The following RSPH9 variants were observed in gnomAD, a reference collection of about 807,000 sequenced individuals.
RSPH9 encodes radial spoke head protein 9 homolog.
A neutral mutation model predicts 27.0 loss-of-function variants in RSPH9; 27 were observed. That is an observed-to-expected ratio of 1.00 (90% CI 0.74 to 1.38). RSPH9 has a LOEUF of 1.38. RSPH9 is among the 40% of genes most tolerant of loss of function. The pLI, the probability that RSPH9 is intolerant of heterozygous loss-of-function variation, is 0.00. For synonymous variants in RSPH9, 145 were observed against 147.7 expected (o/e 0.98, Z 0.13); for missense variants, 347 against 357.4 (o/e 0.97, Z 0.24).
chr6:43,668,568 C>T (rs1202172342), intron 4 of RSPH9, among the ~76,000 whole-genome samples: 2 of 152,192 alleles, frequency 1.3e-5, no homozygotes, highest in African/African-American at 2.4e-5. Flanking sequence ...CACTGCCCCC[C>T]GCCCCCTGCA....
Position 43,671,109 on chromosome 6 carries a change from C to A in RSPH9, c.*160C>A. On this transcript the variant is annotated 3_prime_UTR_variant, in exon 5 of 5. Transcript: ENST00000372163. ...TGAGCCAGGGAGCTCATTTCTAAACCAAGTGGCAGAGGGGTTGGAATGTGC... is the reference window on the plus strand; with the variant it reads ...TGAGCCAGGGAGCTCATTTCTAAACAAAGTGGCAGAGGGGTTGGAATGTGC... 1.2e-6 allele frequency: 1 copy of A among 831,260 alleles called. No individual in the cohort carries two copies. The highest frequency in any genetic ancestry group is 1.9e-6 in the Non-Finnish European group (1 of 517,430). 51.5% of individuals were successfully genotyped at this position (831,260 alleles called of 1,614,324 possible). A position where few individuals can be genotyped will look rare whatever the true frequency, so the allele number is the denominator to read the frequency against.
chr6:43,646,542 G>T (rs1582374979), intron 1 of RSPH9, among the ~76,000 whole-genome samples: 1 of 151,434 alleles, frequency 6.6e-6, no homozygotes, highest in Admixed American at 6.6e-5. Context: ...CTCCCAAAGT[G>T]CTGGGATTAC....
intron 2 of RSPH9, among the ~76,000 whole-genome samples, chr6:43,652,729 GGT>G (rs1491419113): frequency 0.05 from 6,286 of 125,912 alleles, 462 homozygotes; most frequent in African/African-American, 0.19. Flanking sequence ...CCCAACTTCC[GGT>G]TTTTTTTTTT....
chr6:43,655,461 A>G, intron 2 of RSPH9, 101 bp from the exon 3 acceptor site: 1 of 1,311,634 alleles, frequency 7.6e-7, no homozygotes. Context: ...GGGGTCCACT[A>G]CACTGCAGTG....
At chr6:43,668,888 G>T (rs1773420529) in intron 4 of RSPH9, among the ~76,000 whole-genome samples, 1 of 152,196 alleles carries the variant, frequency 6.6e-6, no homozygotes, top group Admixed American at 6.5e-5. Context: ...CCAAGTGAGG[G>T]AATCGGATCT....
chr6:43,672,587 T>C lies in RSPH9; in HGVS notation c.*1638T>C, dbSNP rs1773800046. The C allele has an allele frequency of 8.7e-6, 3 of 344,020 alleles. No homozygotes were observed. The highest frequency in any genetic ancestry group is 2.2e-5 in the South Asian group (1 of 45,354). 21.3% of individuals were successfully genotyped at this position (344,020 alleles called of 1,614,324 possible). A position where few individuals can be genotyped will look rare whatever the true frequency, so the allele number is the denominator to read the frequency against. On this transcript the variant is annotated 3_prime_UTR_variant, in exon 5 of 5. Coordinates refer to ENST00000372163, the MANE Select transcript of RSPH9 (RefSeq NM_152732.5). ...GGTTTTACTCTGTCCAGAATAAAAC[T>C]TGGATCCTGTCCAGAAAGGCCCATC...
chr6:43,671,414 C>A lies in RSPH9; in HGVS notation c.*465C>A, dbSNP rs1773689188. On this transcript the variant is annotated 3_prime_UTR_variant, in exon 5 of 5. Coordinates refer to ENST00000372163, the MANE Select transcript of RSPH9 (RefSeq NM_152732.5). ...CACCCAGCTGGCAATGTGCCCAGGA[C>A]CCCCTGCACTTCCCAAGCAGTGAGC... 2 of 410,854 alleles carry A rather than the reference C, an allele frequency of 4.9e-6. No homozygotes were observed. The highest frequency in any genetic ancestry group is 5.1e-5 in the East Asian group (1 of 19,460). 25.5% of individuals were successfully genotyped at this position (410,854 alleles called of 1,614,324 possible). A position where few individuals can be genotyped will look rare whatever the true frequency, so the allele number is the denominator to read the frequency against.
chr6:43,663,897 T>G (rs1772873268), intron 4 of RSPH9, among the ~76,000 whole-genome samples: 1 of 151,582 alleles, frequency 6.6e-6, no homozygotes, highest in Non-Finnish European at 1.5e-5. Flanking sequence ...AGGTGTAGTG[T>G]GCACACCTGT....
intron 3 of RSPH9, 96 bp from the exon 4 acceptor site, chr6:43,656,481 T>G: frequency 7.1e-7 from 1 of 1,416,950 alleles, no homozygotes; most frequent in Non-Finnish European, 1.0e-6. Context: ...TGACAGGGTC[T>G]TTTGTAAGCC....
intron 1 of RSPH9, among the ~76,000 whole-genome samples, chr6:43,648,439 G>A (rs1771117099): frequency 6.6e-6 from 1 of 152,232 alleles, no homozygotes; most frequent in Non-Finnish European, 1.5e-5. Flanking sequence ...CCTGAGGCAA[G>A]TGTGTGCTTA....
At chr6:43,667,429 C>T (rs1050821571) in intron 4 of RSPH9, among the ~76,000 whole-genome samples, 15 of 90,310 alleles carry the variant, frequency 1.7e-4, no homozygotes, top group South Asian at 1.1e-3. Flanking sequence ...ACGCGCCTGC[C>T]TGCCTACCTG....
intron 4 of RSPH9, among the ~76,000 whole-genome samples, chr6:43,666,910 A>G (rs7744563): frequency 0.062 from 9,398 of 152,078 alleles, 368 homozygotes; most frequent in African/African-American, 0.1. Context: ...ACCACGCCTA[A>G]TTTTTGTATT....
intron 4 of RSPH9, among the ~76,000 whole-genome samples, chr6:43,661,972 C>T (rs969578971): frequency 6.6e-6 from 1 of 152,176 alleles, no homozygotes; most frequent in Non-Finnish European, 1.5e-5. Context: ...ACTGTAGCCT[C>T]GACTTCCCAG....
chr6:43,665,977 C>T (rs1378092399), intron 4 of RSPH9, among the ~76,000 whole-genome samples: 1 of 152,062 alleles, frequency 6.6e-6, no homozygotes, highest in Admixed American at 6.6e-5. Context: ...AGGTGTGGAC[C>T]ACCATGCCTG....
intron 4 of RSPH9, chr6:43,666,348 G>C (rs1773134756): frequency 2.5e-6 from 3 of 1,185,488 alleles, no homozygotes; most frequent in South Asian, 2.6e-5. Context: ...AGAGTTCCCT[G>C]GGACACCAGG....
intron 1 of RSPH9, among the ~76,000 whole-genome samples, chr6:43,646,326 G>T (rs1480274782): frequency 6.6e-6 from 1 of 150,826 alleles, no homozygotes; most frequent in Non-Finnish European, 1.5e-5. Flanking sequence ...AGTAGAGACG[G>T]GGTTTCACCG....
intron 4 of RSPH9, 38 bp from the exon 5 acceptor site, chr6:43,670,751 G>A: frequency 6.3e-7 from 1 of 1,595,934 alleles, no homozygotes; most frequent in Non-Finnish European, 8.6e-7. Flanking sequence ...TGTGGCTCCA[G>A]CAGCACCAGG....
At chr6:43,670,743 T>C in intron 4 of RSPH9, 46 bp from the exon 5 acceptor site, 1 of 1,579,726 alleles carries the variant, frequency 6.3e-7, no homozygotes, top group Non-Finnish European at 8.7e-7. Context: ...GGCAGAGCTG[T>C]GGCTCCAGCA....
chr6:43,649,192 T>C (rs889314612), intron 1 of RSPH9, among the ~76,000 whole-genome samples: 1 of 151,954 alleles, frequency 6.6e-6, no homozygotes, highest in Admixed American at 6.6e-5. Context: ...TTTTTGTTTT[T>C]GTTTTGTTTT....
Sources: allele counts gnomAD v4.1 joint callset (sites outside exome capture counted in the v4.1 genomes callset), GRCh38; gene constraint gnomAD v4.1.1; transcripts MANE v1.5; gene names NCBI Gene and HGNC (gene_info 2026-07-23, HGNC 2026-07-21).